JAK1: variants seen among roughly 807,000 people sequenced by gnomAD.
The protein encoded by JAK1 is Janus kinase 1.
Under a neutral mutation model 136.6 loss-of-function variants are expected in JAK1, and 16 were observed. The observed-to-expected ratio is 0.12, with a 90% CI of 0.08 to 0.18. The LOEUF (loss-of-function observed/expected upper bound fraction) is 0.18. Ranked by LOEUF, JAK1 falls within the 10% of genes least tolerant of loss-of-function variation. The pLI, the probability that JAK1 is intolerant of heterozygous loss-of-function variation, is 1.00. For synonymous variants in JAK1, 492 were observed against 519.5 expected (o/e 0.95, Z 0.72); for missense variants, 859 against 1,450.1 (o/e 0.59, Z 6.62).
At chr1:64,957,459 G>A (rs1569729427) in intron 1 of JAK1, among the ~76,000 whole-genome samples, 1 of 152,158 alleles carries the variant, frequency 6.6e-6, no homozygotes, top group East Asian at 1.9e-4. Flanking sequence ...GCCTCTCACT[G>A]GAAATCCTCC....
chr1:64,929,216 C>A (rs1645646164), intron 1 of JAK1, among the ~76,000 whole-genome samples: 1 of 152,192 alleles, frequency 6.6e-6, no homozygotes. Flanking sequence ...CAAATGAATT[C>A]ATAACAGGCT....
intron 2 of JAK1, chr1:65,003,570 A>G (rs779955680): frequency 6.6e-6 from 1 of 152,192 alleles, no homozygotes; most frequent in African/African-American, 2.4e-5. Flanking sequence ...AGGGATTTAA[A>G]TGGGTGTCTA....
chr1:64,969,953 T>C (rs1646435382), upstream of JAK1, among the ~76,000 whole-genome samples: 1 of 151,728 alleles, frequency 6.6e-6, no homozygotes, highest in African/African-American at 2.4e-5. Context: ...TTGCGCAACA[T>C]GGCAAAACCC....
At chr1:64,892,418 T>A (rs1172942036) in intron 1 of JAK1, among the ~76,000 whole-genome samples, 3 of 152,122 alleles carry the variant, frequency 2.0e-5, no homozygotes, top group Non-Finnish European at 4.4e-5. Context: ...GAAGGTGGGA[T>A]AACAGGTGCA....
intron 1 of JAK1, among the ~76,000 whole-genome samples, chr1:65,048,757 A>G (rs1647213492): frequency 6.6e-6 from 1 of 152,122 alleles, no homozygotes; most frequent in South Asian, 2.1e-4. Flanking sequence ...TTTCCCAGAC[A>G]CCTCTGTAGC....
intron 2 of JAK1, among the ~76,000 whole-genome samples, chr1:65,022,449 A>T (rs1646945254): frequency 6.6e-6 from 1 of 152,138 alleles, no homozygotes; most frequent in Non-Finnish European, 1.5e-5. Flanking sequence ...AAGTTTGTAA[A>T]TGACTCTGCA....
At chr1:64,877,879 C>A (rs72675457) in intron 4 of JAK1, among the ~76,000 whole-genome samples, 1 of 152,110 alleles carries the variant, frequency 6.6e-6, no homozygotes, top group Non-Finnish European at 1.5e-5. Context: ...GAAATCTCCA[C>A]GGCACACAGC....
At chr1:65,059,795 T>C (rs970569885) in intron 1 of JAK1, among the ~76,000 whole-genome samples, 2 of 152,190 alleles carry the variant, frequency 1.3e-5, no homozygotes, top group South Asian at 2.1e-4. Context: ...AAAATAATTA[T>C]GTTTTCATTA....
chr1:64,927,026 T>A (rs1645594483), intron 1 of JAK1, among the ~76,000 whole-genome samples: 1 of 152,234 alleles, frequency 6.6e-6, no homozygotes, highest in Non-Finnish European at 1.5e-5. Context: ...CAAGTCCATA[T>A]TTTTATGTCC....
intron 1 of JAK1, among the ~76,000 whole-genome samples, chr1:64,888,606 A>G (rs970523774): frequency 2.6e-5 from 4 of 152,230 alleles, no homozygotes; most frequent in Non-Finnish European, 4.4e-5. Context: ...ATTCTTTTAG[A>G]ACTAGAATTC....
chr1:64,889,595 T>C (rs1207831203), intron 1 of JAK1, among the ~76,000 whole-genome samples: 2 of 152,184 alleles, frequency 1.3e-5, no homozygotes, highest in African/African-American at 4.8e-5. Flanking sequence ...TCTGACACTT[T>C]CTCAACAAGG....
Position 65,010,111 on chromosome 1 carries a change from T to G in JAK1, c.-78+34369A>C, listed in dbSNP as rs373251444. 1.2e-4 allele frequency among the ~76,000 whole-genome samples: 18 copies of G among 152,336 alleles called. 1 individual carries two copies. The highest frequency in any genetic ancestry group is 3.3e-4 in the Admixed American group (5 of 15,292). On this transcript the variant is annotated intron_variant, in intron 2 of 25. Coordinates refer to the JAK1 transcript ENST00000671954. ...TTTTGAATGCTGTGGTGGTTTAAATTGTCCACAAATTTTTTGGCACTCCCT... is the reference window on the plus strand; with the variant it reads ...TTTTGAATGCTGTGGTGGTTTAAATGGTCCACAAATTTTTTGGCACTCCCT...
In JAK1 at chr1:64,905,472, TG is replaced by T. The variant is rs1645175798; in HGVS notation, c.-77-19132del. 2.0e-5 allele frequency among the ~76,000 whole-genome samples: 3 copies of T among 152,344 alleles called. No individual in the cohort carries two copies. In the South Asian group the frequency reaches 6.2e-4, roughly 32 times the overall value. Reference sequence around the variant, plus strand: ...GAATCCTGTTAAAGGTAATAGCTCATGGATCCTACTGCTATATATATTTCTG... The same window carrying T: ...GAATCCTGTTAAAGGTAATAGCTCATGATCCTACTGCTATATATATTTCTG... On this transcript the variant is annotated intron_variant, in intron 1 of 24. Coordinates refer to ENST00000342505, the MANE Select transcript of JAK1 (RefSeq NM_002227.4).
intron 1 of JAK1, among the ~76,000 whole-genome samples, chr1:64,954,624 G>C (rs1646149511): frequency 6.6e-6 from 1 of 152,078 alleles, no homozygotes. Context: ...GGAAACCAAA[G>C]GGCAACTATT....
At chr1:65,005,968 C>T (rs1338628160) in intron 2 of JAK1, among the ~76,000 whole-genome samples, 3 of 152,182 alleles carry the variant, frequency 2.0e-5, no homozygotes, top group African/African-American at 4.8e-5. Flanking sequence ...TGTGAACTCT[C>T]ATGCTCAGAC....
At chr1:64,849,769 C>A (rs1276776312) in intron 12 of JAK1, among the ~76,000 whole-genome samples, 2 of 151,984 alleles carry the variant, frequency 1.3e-5, no homozygotes, top group Non-Finnish European at 2.9e-5. Context: ...AAGAGGCAGG[C>A]CCCACAGACT....
intron 2 of JAK1, among the ~76,000 whole-genome samples, chr1:65,006,544 G>C (rs1646805506): frequency 6.6e-6 from 1 of 152,102 alleles, no homozygotes; most frequent in Non-Finnish European, 1.5e-5. Flanking sequence ...TTTTTGTAGA[G>C]ATGGGGTCTT....
intron 2 of JAK1, among the ~76,000 whole-genome samples, chr1:65,038,053 G>A (rs1233885335): frequency 6.6e-6 from 1 of 152,068 alleles, no homozygotes; most frequent in African/African-American, 2.4e-5. Context: ...CCCTGTTGAG[G>A]TCAAGTCTAT....
At chr1:64,886,420 G>C (rs1644853096) in intron 1 of JAK1, 79 bp from the exon 2 acceptor site, 2 of 772,994 alleles carry the variant, frequency 2.6e-6, no homozygotes, top group Non-Finnish European at 3.8e-6. Flanking sequence ...CATTAAGGAA[G>C]CAGCCCAAAC....
Sources: allele counts gnomAD v4.1 joint callset (sites outside exome capture counted in the v4.1 genomes callset), GRCh38; gene constraint gnomAD v4.1.1; transcripts MANE v1.5; gene names NCBI Gene and HGNC (gene_info 2026-07-23, HGNC 2026-07-21).